NUP58: variants seen among roughly 807,000 people sequenced by gnomAD.
The protein encoded by NUP58 is nucleoporin 58, also known as nucleoporin p58/p45.
In NUP58, 17 loss-of-function variants were observed where a neutral mutation model predicts 70.1. That is an observed-to-expected ratio of 0.24 (90% CI 0.17 to 0.36). NUP58 has a LOEUF of 0.36. Ranked by LOEUF, NUP58 falls within the 10% of genes least tolerant of loss-of-function variation. The pLI, the probability that NUP58 is intolerant of heterozygous loss-of-function variation, is 1.00. For synonymous variants in NUP58, 275 were observed against 257.6 expected (o/e 1.07, Z -0.65); for missense variants, 644 against 701.5 (o/e 0.92, Z 0.93).
At chr13:25,332,635 C>G (rs1041853674) in intron 13 of NUP58, 27 of 985,274 alleles carry the variant, frequency 2.7e-5, no homozygotes, top group African/African-American at 5.2e-5. Context: ...TTGTTCTTCA[C>G]ATTTGGAGAT....
intron 3 of NUP58, among the ~76,000 whole-genome samples, chr13:25,309,713 T>C (rs1032167994): frequency 2.0e-5 from 3 of 152,212 alleles, no homozygotes; most frequent in Non-Finnish European, 4.4e-5. Flanking sequence ...CATAATACTT[T>C]CTGTAGTGTT....
chr13:25,345,848 G>C (rs1418621376), downstream of NUP58, among the ~76,000 whole-genome samples: 1 of 152,142 alleles, frequency 6.6e-6, no homozygotes, highest in Non-Finnish European at 1.5e-5. Context: ...GGGATTAATG[G>C]AAAAATTGAC....
In NUP58 at chr13:25,330,416, G is replaced by C. The variant is rs185796549; in HGVS notation, c.1234-941G>C. Reference sequence around the variant, plus strand: ...ACACTGACATCCACACAAAAAGGGCGATGATAGCTTTTAAATACTATAAAC... The same window carrying C: ...ACACTGACATCCACACAAAAAGGGCCATGATAGCTTTTAAATACTATAAAC... On this transcript the variant is annotated intron_variant, in intron 12 of 15. Transcript: ENST00000381736. Among the ~76,000 whole-genome samples the C allele has an allele frequency of 5.8e-3, 889 of 152,218 alleles. 3 individuals carry two copies. The highest frequency in any genetic ancestry group is 9.4e-3 in the Non-Finnish European group (638 of 68,004).
intron 6 of NUP58, among the ~76,000 whole-genome samples, chr13:25,318,125 C>G (rs1259044487): frequency 2.0e-5 from 3 of 151,954 alleles, no homozygotes; most frequent in South Asian, 4.2e-4. Context: ...GTCAGGAGAT[C>G]AAGACCAGCC....
Position 25,320,883 on chromosome 13 carries a change from C to G in NUP58, c.777-36C>G, listed in dbSNP as rs376200312. The G allele has an allele frequency of 3.0e-6, 4 of 1,338,346 alleles. No individual in the cohort carries two copies. The African/African-American group carries it at 6.1e-5, about 20-fold the overall frequency. The allele number at this position is 1,338,346 out of a possible 1,614,324, so 82.9% of individuals were successfully genotyped here. On this transcript the variant is annotated intron_variant, in intron 8 of 15. Transcript: ENST00000381736. Reference sequence around the variant, plus strand: ...TATTTTGTGTAGGAAACCAAAGATACATTTTTTAAAACTCAGTTTTAAATA... The same window carrying G: ...TATTTTGTGTAGGAAACCAAAGATAGATTTTTTAAAACTCAGTTTTAAATA...
At position 25,340,223 on chromosome 13, in the gene NUP58, C is replaced by T; in HGVS notation, c.*89C>T. The T allele has an allele frequency of 8.6e-7, 1 of 1,167,498 alleles. No homozygotes were observed. Among genetic ancestry groups the T allele is most frequent in the Non-Finnish European group, 1.1e-6 (1 of 874,362 alleles). 72.3% of individuals were successfully genotyped at this position (1,167,498 alleles called of 1,614,324 possible). ...AATGATGCAGTAATTAAATTGCATC[C>T]CAGGAGATTTATAAAGTTTTGATAT... On this transcript the variant is annotated 3_prime_UTR_variant, in exon 16 of 16. Coordinates refer to ENST00000381736, the MANE Select transcript of NUP58 (RefSeq NM_014089.4).
intron 3 of NUP58, chr13:25,349,503 A>G (rs775922772): frequency 2.0e-5 from 3 of 152,658 alleles, no homozygotes; most frequent in Non-Finnish European, 4.4e-5. Context: ...GGTGTAAGCT[A>G]AGATGCAATA....
rs376259253 is a variant in NUP58 at position 25,324,980 on chromosome 13, G to T, written c.952-9G>T. Reference sequence around the variant, plus strand: ...TTTTTTTTTTTTTTTAAATCCTCTGGTATATTAGGAGTTGAAGAATGCTGA... The same window carrying T: ...TTTTTTTTTTTTTTTAAATCCTCTGTTATATTAGGAGTTGAAGAATGCTGA... On this transcript the variant is annotated splice_polypyrimidine_tract_variant and intron_variant, in intron 9 of 15. Coordinates refer to ENST00000381736, the MANE Select transcript of NUP58 (RefSeq NM_014089.4). The T allele has an allele frequency of 3.6e-5, 55 of 1,513,620 alleles. No individual in the cohort carries two copies. In the Middle Eastern group the frequency reaches 5.4e-4, roughly 15 times the overall value. The allele number at this position is 1,513,620 out of a possible 1,614,324, so 93.8% of individuals were successfully genotyped here.
At chr13:25,322,115 A>G (rs917062889) in intron 9 of NUP58, among the ~76,000 whole-genome samples, 1 of 152,210 alleles carries the variant, frequency 6.6e-6, no homozygotes, top group Admixed American at 6.5e-5. Context: ...ACTTGATCTC[A>G]TCATAGCAGT....
intron 1 of NUP58, 32 bp from the exon 2 acceptor site, chr13:25,307,774 A>C (rs1230924160): frequency 6.2e-7 from 1 of 1,611,040 alleles, no homozygotes; most frequent in East Asian, 2.2e-5. Flanking sequence ...TGTGCATGTG[A>C]TTTTTGTTTT....
intron 6 of NUP58, among the ~76,000 whole-genome samples, chr13:25,317,406 A>C (rs1406141762): frequency 1.3e-5 from 2 of 152,216 alleles, no homozygotes; most frequent in Non-Finnish European, 2.9e-5. Context: ...CAGGAAGGCA[A>C]GAATTGTCAT....
chr13:25,307,104 G>A (rs975505040), intron 1 of NUP58, among the ~76,000 whole-genome samples: 13 of 151,680 alleles, frequency 8.6e-5, no homozygotes, highest in African/African-American at 2.7e-4. Flanking sequence ...AATATGCTAG[G>A]TTTCAAACAT....
intron 13 of NUP58, chr13:25,334,990 G>A (rs192758177): frequency 3.7e-5 from 36 of 985,192 alleles, no homozygotes; most frequent in Middle Eastern, 1.0e-3. Context: ...TTTGCCTGAA[G>A]GATTTAGACT....
At chr13:25,322,449 C>T (rs1027566833) in intron 9 of NUP58, among the ~76,000 whole-genome samples, 2 of 152,166 alleles carry the variant, frequency 1.3e-5, no homozygotes, top group Non-Finnish European at 2.9e-5. Flanking sequence ...ACAGGTTGAG[C>T]ATCCCTAATC....
At position 25,313,715 on chromosome 13, in the gene NUP58, G is replaced by A. The variant is rs527528951; in HGVS notation, c.538G>A (p.Gly180Ser). ...AGGGGGAGCCTTAGCTGGTTTGGGA[G>A]GTTCACTTTTCCAGAGTACAAACAC... ...SLGGALAGLG[G>S]SLFQSTNTGT... is the part of the protein sequence containing the mutation. Residue 180 changes from glycine to serine, a missense_variant, in exon 5 of 16, where the codon GGT becomes AGT. Around this residue, in one of 4 missense-constraint regions of NUP58, gnomAD observed 430 missense variants for 409.2 expected, o/e 1.05. Transcript: ENST00000381736. 6.5e-6 allele frequency: 10 copies of A among 1,532,002 alleles called. No homozygotes were observed. The East Asian group carries it at 2.6e-4, about 40-fold the overall frequency. 94.9% of individuals were successfully genotyped at this position (1,532,002 alleles called of 1,614,324 possible). A position where few individuals can be genotyped will look rare whatever the true frequency, so the allele number is the denominator to read the frequency against.
chr13:25,330,681 A>T (rs1369816507), intron 12 of NUP58, among the ~76,000 whole-genome samples: 1 of 152,190 alleles, frequency 6.6e-6, no homozygotes, highest in Admixed American at 6.5e-5. Flanking sequence ...AGCTCACTTT[A>T]TGAACTTGGG....
At position 25,307,824 on chromosome 13, in the gene NUP58, C is replaced by G. The variant is rs1334341341; in HGVS notation, c.126C>G (p.Leu42=). ...AAATAAGCAACCCTTCTGTGGGGCT[C>G]AATTTTGGAAATCTTGGAAGTACTT... is the stretch of plus-strand genomic sequence containing the variant. The part of the protein sequence containing the change: ...TGASSNPSVG[L]NFGNLGSTST... Residue 42 remains leucine, a synonymous_variant, in exon 2 of 16, where the codon CTC becomes CTG. Transcript: ENST00000381736. 4 of 1,613,982 alleles carry G rather than the reference C, an allele frequency of 2.5e-6. No individual in the cohort carries two copies. Among genetic ancestry groups the G allele is most frequent in the Non-Finnish European group, 2.5e-6 (3 of 1,179,996 alleles).
Position 25,336,263 on chromosome 13 carries a change from CTT to C in NUP58, c.1436-669_1436-668del, listed in dbSNP as rs769127482. 9.5e-6 allele frequency: 13 copies of C among 1,365,182 alleles called. No individual in the cohort carries two copies. The South Asian group carries it at 1.4e-4, about 14-fold the overall frequency. 84.6% of individuals were successfully genotyped at this position (1,365,182 alleles called of 1,614,324 possible). On this transcript the variant is annotated intron_variant, in intron 13 of 15. Transcript: ENST00000381736. ...GCTTAAGAATAGAACTCAATTATCA[CTT>C]TTTGTGAACAAGTTGGAATTGTCAT...
At chr13:25,321,913 G>A (rs886230305) in intron 9 of NUP58, among the ~76,000 whole-genome samples, 46 of 152,132 alleles carry the variant, frequency 3.0e-4, no homozygotes, top group African/African-American at 9.2e-4. Context: ...GCAAAACTCC[G>A]TCTCAAAAAA....
Sources: gnomAD v4.1 joint callset for allele counts (sites outside exome capture counted in the v4.1 genomes callset) on GRCh38, gnomAD v4.1.1 for gene constraint, gnomAD v4.1.1 regional missense constraint, MANE v1.5 for transcripts, NCBI Gene and HGNC (gene_info 2026-07-23, HGNC 2026-07-21) for gene names.